Variants in PATJ observed in about 807,000 individuals in gnomAD.
PATJ encodes PATJ crumbs cell polarity complex component, also known as inaD-like protein.
Under a neutral mutation model 224.9 loss-of-function variants are expected in PATJ, and 190 were observed. That is an observed-to-expected ratio of 0.84 (90% CI 0.75 to 0.95). The LOEUF (loss-of-function observed/expected upper bound fraction) is 0.95, where lower values mean the gene tolerates loss of function less well. PATJ is among the 40% of genes least tolerant of loss of function. PATJ has a pLI of 0.00. For synonymous variants in PATJ, 769 were observed against 820.3 expected, an observed-to-expected ratio of 0.94 and a Z score of 1.07; for missense variants, 2,121 against 2,270.3, an observed-to-expected ratio of 0.93 and a Z score of 1.34.
intron 17 of PATJ, among the ~76,000 whole-genome samples, chr1:61,844,612 A>G (rs1661631910): frequency 6.6e-6 from 1 of 151,992 alleles, no homozygotes; most frequent in East Asian, 1.9e-4. Flanking sequence ...ATTGTTATTA[A>G]TCTCTTACTG....
chr1:62,081,289 T>C (rs1659246772), intron 32 of PATJ, among the ~76,000 whole-genome samples: 1 of 152,146 alleles, frequency 6.6e-6, no homozygotes, highest in African/African-American at 2.4e-5. Flanking sequence ...AATAAATAAA[T>C]GAAGTTCATC....
chr1:61,920,951 C>A (rs1472271465), intron 26 of PATJ, among the ~76,000 whole-genome samples: 9 of 152,094 alleles, frequency 5.9e-5, no homozygotes, highest in Admixed American at 1.3e-4. Flanking sequence ...GGTGATCCAC[C>A]CGCCTCAGCC....
intron 24 of PATJ, among the ~76,000 whole-genome samples, chr1:61,901,870 A>G (rs1207533406): frequency 1.3e-5 from 2 of 152,212 alleles, no homozygotes; most frequent in East Asian, 1.9e-4. Context: ...TGAAGACTCT[A>G]TTGGGTGAGG....
intron 33 of PATJ, among the ~76,000 whole-genome samples, chr1:62,103,425 A>T (rs150905299): frequency 6.6e-6 from 1 of 152,298 alleles, no homozygotes; most frequent in African/African-American, 2.4e-5. Flanking sequence ...TGGCACATAG[A>T]TGTAAAATAA....
chr1:62,068,136 G>T (rs951809290), intron 31 of PATJ, among the ~76,000 whole-genome samples: 1 of 152,178 alleles, frequency 6.6e-6, no homozygotes, highest in Non-Finnish European at 1.5e-5. Flanking sequence ...TTCACCTTCA[G>T]TTGGCTCCCT....
chr1:62,022,841 T>C (rs1259910414), intron 29 of PATJ, among the ~76,000 whole-genome samples: 5 of 152,216 alleles, frequency 3.3e-5, no homozygotes, highest in African/African-American at 1.2e-4. Context: ...CCTGTATCGA[T>C]TGAACATATG....
At position 62,163,497 on chromosome 1, in the gene PATJ, T is replaced by A. The variant is rs1333014562; in HGVS notation, c.*2443T>A. Reference sequence around the variant, plus strand: ...TGGAATGGCCATTAAATACACATTTTGAGATAATACATTGTTGTGGTGTTT... The same window carrying A: ...TGGAATGGCCATTAAATACACATTTAGAGATAATACATTGTTGTGGTGTTT... On this transcript the variant is annotated 3_prime_UTR_variant, in exon 44 of 44. Coordinates refer to ENST00000642238, the MANE Select transcript of PATJ (RefSeq NM_001350145.3). 1 of 152,614 alleles carries A rather than the reference T, an allele frequency of 6.6e-6. No individual in the cohort carries two copies. Among genetic ancestry groups the A allele is most frequent in the Non-Finnish European group, 1.5e-5 (1 of 68,028 alleles). 9.5% of individuals were successfully genotyped at this position (152,614 alleles called of 1,614,324 possible).
chr1:62,084,111 A>G (rs1227042853), intron 32 of PATJ, among the ~76,000 whole-genome samples: 1 of 152,148 alleles, frequency 6.6e-6, no homozygotes, highest in African/African-American at 2.4e-5. Context: ...AAAATTAGCC[A>G]GGCATGGTGG....
intron 30 of PATJ, among the ~76,000 whole-genome samples, chr1:62,042,178 G>A (rs1651622495): frequency 6.6e-6 from 1 of 152,150 alleles, no homozygotes; most frequent in Non-Finnish European, 1.5e-5. Context: ...GCATTTAAAT[G>A]TATAAATAAA....
intron 9 of PATJ, 61 bp downstream of exon 9, chr1:61,791,508 A>C: frequency 9.5e-7 from 1 of 1,054,782 alleles, no homozygotes; most frequent in Non-Finnish European, 1.4e-6. Context: ...GTTTCTAGAT[A>C]GTGAAATTAA....
chr1:61,960,603 C>G (rs1681129265), intron 27 of PATJ, among the ~76,000 whole-genome samples: 1 of 149,966 alleles, frequency 6.7e-6, no homozygotes, highest in Admixed American at 6.7e-5. Flanking sequence ...GCAGACGTTG[C>G]AGTGAGCCGA....
chr1:61,814,545 T>TGCGCGCGC (rs767050477), intron 14 of PATJ, among the ~76,000 whole-genome samples: 1 of 138,622 alleles, frequency 7.2e-6, no homozygotes, highest in African/African-American at 2.8e-5. Flanking sequence ...TGTGTGTGTG[T>TGCGCGCGC]GTGCGCGCGC....
chr1:62,136,477 TTGTG>T (rs111398189), intron 41 of PATJ, among the ~76,000 whole-genome samples: 6 of 149,102 alleles, frequency 4.0e-5, no homozygotes, highest in East Asian at 3.9e-4. Flanking sequence ...TGGGCTTTTC[TTGTG>T]TGTGTGTGTG....
intron 20 of PATJ, chr1:61,865,671 T>G (rs890746697): frequency 3.3e-5 from 5 of 152,080 alleles, no homozygotes; most frequent in Admixed American, 3.3e-4. Context: ...AATATTTTTG[T>G]TTTTTTTATT....
chr1:61,800,653 C>T (rs1212222388), intron 11 of PATJ, among the ~76,000 whole-genome samples: 1 of 152,086 alleles, frequency 6.6e-6, no homozygotes, highest in South Asian at 2.1e-4. Flanking sequence ...CATATATGTA[C>T]ATGTGCCATG....
intron 22 of PATJ, among the ~76,000 whole-genome samples, chr1:61,892,911 T>A (rs1435577153): frequency 6.6e-6 from 1 of 152,088 alleles, no homozygotes; most frequent in Non-Finnish European, 1.5e-5. Context: ...ATTTTAAGAT[T>A]TGAGTTTCTA....
intron 10 of PATJ, among the ~76,000 whole-genome samples, chr1:61,796,678 C>CTT (rs752512893): frequency 9.0e-3 from 224 of 24,830 alleles, no homozygotes; most frequent in South Asian, 0.044. Flanking sequence ...TTCTTTCTTT[C>CTT]TTTCTTTCTT....
At chr1:62,128,771 A>G in intron 40 of PATJ, 70 bp from the exon 41 acceptor site, 1 of 1,091,806 alleles carries the variant, frequency 9.2e-7, no homozygotes, top group Non-Finnish European at 1.4e-6. Context: ...CTCGCAAAGA[A>G]TTTTAAGCAT....
rs777155293 is a variant in PATJ, at chr1:61,864,295, C to G, written c.2497C>G (p.Leu833Val). 1 of 1,613,112 alleles carries G rather than the reference C, an allele frequency of 6.2e-7. No individual in the cohort carries two copies. Among genetic ancestry groups the G allele is most frequent in the South Asian group, 1.1e-5 (1 of 90,998 alleles). ...EELVDEPFLD[L>V]GKSFHSQQKE... ...ACTTGTGGATGAACCATTTCTAGATCTGGGAAAGTCTTTCCATTCCCAACA... is the reference window on the plus strand; with the variant it reads ...ACTTGTGGATGAACCATTTCTAGATGTGGGAAAGTCTTTCCATTCCCAACA... The change falls in exon 20 of 44, where the codon CTG becomes GTG. Residue 833 changes from leucine (L) to valine (V), a missense_variant. Physicochemically the swap from Leu to Val is conservative, Grantham distance 32. Transcript: ENST00000642238.
Sources: gnomAD v4.1 joint callset for allele counts (sites outside exome capture counted in the v4.1 genomes callset) on GRCh38, gnomAD v4.1.1 for gene constraint, MANE v1.5 for transcripts, NCBI Gene and HGNC (gene_info 2026-07-23, HGNC 2026-07-21) for gene names.